The following IL16 variants were observed in gnomAD, a reference collection of about 807,000 sequenced individuals.
IL16 encodes the protein pro-interleukin-16.
A neutral mutation model predicts 110.1 loss-of-function variants in IL16; 67 were observed. The observed-to-expected ratio is 0.61, with a 90% CI of 0.50 to 0.75. IL16 has a LOEUF of 0.75. Ranked by LOEUF, IL16 falls within the 30% of genes least tolerant of loss-of-function variation. The pLI, the probability that IL16 is intolerant of heterozygous loss-of-function variation, is 0.00. For missense variants in IL16, 1,545 were observed against 1,655.0 expected (o/e 0.93, Z 1.15); for synonymous variants, 689 against 662.9 (o/e 1.04, Z -0.61).
chr15:81,236,089 T>G (rs1035544921), intron 2 of IL16, among the ~76,000 whole-genome samples: 5 of 152,202 alleles, frequency 3.3e-5, no homozygotes, highest in African/African-American at 1.2e-4. Flanking sequence ...TCAAAGTAAT[T>G]GGTCAGACAG....
chr15:81,253,014 A>G (rs1163341687), intron 2 of IL16, among the ~76,000 whole-genome samples: 1 of 152,164 alleles, frequency 6.6e-6, no homozygotes, highest in Non-Finnish European at 1.5e-5. Flanking sequence ...GCTGCATCAT[A>G]TGGTAACTCT....
intron 1 of IL16, among the ~76,000 whole-genome samples, chr15:81,218,933 AT>A (rs200878535): frequency 0.14 from 21,226 of 147,544 alleles, 1,905 homozygotes; most frequent in East Asian, 0.38. Context: ...TTGAGTAACA[AT>A]TTTTTTTTTT....
chr15:81,221,557 CTG>C (rs2142024060), intron 1 of IL16, among the ~76,000 whole-genome samples: 1 of 152,314 alleles, frequency 6.6e-6, no homozygotes, highest in African/African-American at 2.4e-5. Flanking sequence ...GACCACAGCA[CTG>C]TGTTTTCAAT....
intron 7 of IL16, among the ~76,000 whole-genome samples, chr15:81,279,322 T>C (rs1217794075): frequency 6.6e-6 from 1 of 152,238 alleles, no homozygotes; most frequent in Admixed American, 6.5e-5. Flanking sequence ...CATCCATCTA[T>C]CTATCCTTCC....
chr15:81,304,265 TCTCA>T (rs139879640), intron 16 of IL16, among the ~76,000 whole-genome samples: 16,485 of 152,196 alleles, frequency 0.11, 1,090 homozygotes, highest in African/African-American at 0.18. Flanking sequence ...TCTCTATTTC[TCTCA>T]CTGAGTGCAG....
intron 1 of IL16, among the ~76,000 whole-genome samples, chr15:81,223,126 C>T (rs1040927954): frequency 1.3e-5 from 2 of 152,016 alleles, no homozygotes; most frequent in Non-Finnish European, 2.9e-5. Flanking sequence ...GCTTTTTAAC[C>T]AAGCAGATTT....
rs1596009412 is a variant in IL16 at position 81,265,712 on chromosome 15, G to A, written c.475G>A (p.Ala159Thr). The change falls in exon 4 of 19, where the codon GCA becomes ACA. Residue 159 changes from alanine to threonine, a missense_variant. By Grantham distance (58) the Ala-to-Thr change is moderately conservative. Coordinates refer to ENST00000683961, the MANE Select transcript of IL16 (RefSeq NM_172217.5). Reference sequence around the variant, plus strand: ...TGATTTTCCAATGACCAAGAAATCTGCAGCGCCCACGGACAGGCAGCCTTA... The same window carrying A: ...TGATTTTCCAATGACCAAGAAATCTACAGCGCCCACGGACAGGCAGCCTTA... ...EIDFPMTKKS[A>T]APTDRQPYSL... The A allele has an allele frequency of 1.2e-6, 2 of 1,613,866 alleles. No individual in the cohort carries two copies. The highest frequency in any genetic ancestry group is 1.3e-5 in the African/African-American group (1 of 75,048).
intron 1 of IL16, among the ~76,000 whole-genome samples, chr15:81,214,917 G>T (rs1337960098): frequency 6.6e-6 from 1 of 152,126 alleles, no homozygotes; most frequent in Non-Finnish European, 1.5e-5. Flanking sequence ...CTATTCTGCT[G>T]TTGATATTTC....
intron 8 of IL16, among the ~76,000 whole-genome samples, chr15:81,282,228 G>A (rs1356565310): frequency 6.6e-6 from 1 of 152,156 alleles, no homozygotes; most frequent in Non-Finnish European, 1.5e-5. Flanking sequence ...GAGATGCTCT[G>A]CCCCATCTCT....
intron 13 of IL16, 153 bp from the exon 14 acceptor site, chr15:81,299,227 T>C (rs1900136501): frequency 1.6e-6 from 2 of 1,222,870 alleles, no homozygotes; most frequent in Admixed American, 1.7e-5. Context: ...AGTCAGGTAA[T>C]AGCACCTGGA....
intron 2 of IL16, among the ~76,000 whole-genome samples, chr15:81,253,751 G>A (rs1410194328): frequency 6.6e-6 from 1 of 152,150 alleles, no homozygotes; most frequent in Non-Finnish European, 1.5e-5. Context: ...CTAGGGCATT[G>A]TATTAATAAT....
intron 1 of IL16, among the ~76,000 whole-genome samples, chr15:81,210,898 A>T (rs561495275): frequency 5.3e-5 from 8 of 152,232 alleles, no homozygotes; most frequent in Middle Eastern, 3.4e-3. Flanking sequence ...GAGTGGTGAG[A>T]GTGGGCATCC....
intron 1 of IL16, among the ~76,000 whole-genome samples, chr15:81,185,551 T>C (rs1459626452): frequency 1.3e-5 from 2 of 152,042 alleles, no homozygotes; most frequent in Non-Finnish European, 2.9e-5. Context: ...GATGGAGTCT[T>C]CCTATGTTGC....
chr15:81,277,210 C>T (rs1898952475), intron 6 of IL16, among the ~76,000 whole-genome samples: 1 of 151,782 alleles, frequency 6.6e-6, no homozygotes, highest in Non-Finnish European at 1.5e-5. Flanking sequence ...AAGATGAGCA[C>T]TAAAGAAATA....
chr15:81,234,275 G>A (rs1488718789), intron 2 of IL16, among the ~76,000 whole-genome samples: 1 of 152,036 alleles, frequency 6.6e-6, no homozygotes, highest in East Asian at 1.9e-4. Flanking sequence ...GATGTGTTTG[G>A]ATCTATGTGT....
intron 3 of IL16, among the ~76,000 whole-genome samples, chr15:81,264,169 C>T (rs926630045): frequency 3.3e-5 from 5 of 152,152 alleles, no homozygotes; most frequent in Admixed American, 2.6e-4. Context: ...ATTCTGTGTC[C>T]TCTCTTTGCA....
At chr15:81,307,465 C>T (rs17875543) in intron 18 of IL16, among the ~76,000 whole-genome samples, 18,720 of 152,226 alleles carry the variant, frequency 0.12, 1,539 homozygotes, top group African/African-American at 0.22. Context: ...AGTTCTGCTG[C>T]GGCTGCAGAA....
chr15:81,306,906 C>T (rs146326708), intron 18 of IL16: 6 of 303,950 alleles, frequency 2.0e-5, no homozygotes, highest in African/African-American at 8.7e-5. Flanking sequence ...TTTAATGCAG[C>T]GTGTTTTTTA....
rs149894902 is a variant in IL16, at chr15:81,288,829, A to ATGTGTGTGTGTG, written c.1333-1615_1333-1604dup. Among the ~76,000 whole-genome samples the ATGTGTGTGTGTG allele has an allele frequency of 3.8e-3, 540 of 140,964 alleles. 2 individuals carry two copies. Among genetic ancestry groups the ATGTGTGTGTGTG allele is most frequent in the African/African-American group, 0.011 (443 of 39,202 alleles). The allele number at this position is 140,964 out of a possible 152,430, so 92.5% of individuals were successfully genotyped here. A position where few individuals can be genotyped will look rare whatever the true frequency, so the allele number is the denominator to read the frequency against. ...GGTCGAATAATCTTCTAGTATGTGT[A>ATGTGTGTGTGTG]TGTGTGTGTGTGTGTGTGTGCGTGT... On this transcript the variant is annotated intron_variant, in intron 10 of 18. Coordinates refer to ENST00000683961, the MANE Select transcript of IL16 (RefSeq NM_172217.5).
Sources: gnomAD v4.1 joint callset for allele counts (sites outside exome capture counted in the v4.1 genomes callset) on GRCh38, gnomAD v4.1.1 for gene constraint, MANE v1.5 for transcripts, NCBI Gene and HGNC (gene_info 2026-07-23, HGNC 2026-07-21) for gene names.